CTNNA2: variants seen among roughly 807,000 people sequenced by gnomAD.
The protein encoded by CTNNA2 is catenin alpha 2.
Under a neutral mutation model 101.0 loss-of-function variants are expected in CTNNA2, and 42 were observed. The observed-to-expected ratio is 0.42, with a 90% CI of 0.32 to 0.54. The LOEUF (loss-of-function observed/expected upper bound fraction) is 0.54, where lower values mean the gene tolerates loss of function less well. Ranked by LOEUF, CTNNA2 falls within the 20% of genes least tolerant of loss-of-function variation. The pLI is 0.14. For missense variants in CTNNA2, 871 were observed against 1,223.1 expected (o/e 0.71, Z 4.29); for synonymous variants, 450 against 456.4 (o/e 0.99, Z 0.18).
Position 80,544,987 on chromosome 2 carries a change from C to T in CTNNA2, c.1296C>T (p.Ala432=), listed in dbSNP as rs1244767102. 2.5e-6 allele frequency: 4 copies of T among 1,613,686 alleles called. No homozygotes were observed. Among genetic ancestry groups the T allele is most frequent in the East Asian group, 2.2e-5 (1 of 44,848 alleles). ...REHANKLVEV[A]NLACSISNNE... The stretch of plus-strand genomic sequence containing the variant: ...TAAAATCCTCTTCAATACAGGTTGC[C>T]AATTTGGCCTGTTCCATCTCCAACA... The change falls in exon 10 of 19, where the codon GCC becomes GCT. Residue 432 remains alanine (A), a synonymous_variant. Transcript: ENST00000402739.
chr2:79,505,136 G>C (rs1212887604), exon 5 of CTNNA2: 2 of 152,496 alleles, frequency 1.3e-5, no homozygotes, highest in Non-Finnish European at 2.9e-5. Flanking sequence ...CTCTGACTCA[G>C]ATGGGCCCTC....
intron 4 of CTNNA2, among the ~76,000 whole-genome samples, chr2:79,500,069 T>C (rs1573194910): frequency 6.6e-6 from 1 of 152,218 alleles, no homozygotes; most frequent in South Asian, 2.1e-4. Context: ...TCAAAGGTCA[T>C]GGATTTAAAT....
At chr2:80,495,939 C>CAAAA (rs60582703) in intron 9 of CTNNA2, among the ~76,000 whole-genome samples, 4 of 35,770 alleles carry the variant, frequency 1.1e-4, no homozygotes, top group African/African-American at 1.9e-4. Context: ...GACTCTGTCT[C>CAAAA]AAAAAAAAAA....
chr2:79,480,237 T>C (rs1255664544), intron 4 of CTNNA2, among the ~76,000 whole-genome samples: 2 of 152,046 alleles, frequency 1.3e-5, no homozygotes, highest in Non-Finnish European at 2.9e-5. Context: ...GGCATTAATC[T>C]ACTCATGAGA....
At chr2:79,429,436 A>G (rs955320578) in intron 4 of CTNNA2, among the ~76,000 whole-genome samples, 1 of 152,296 alleles carries the variant, frequency 6.6e-6, no homozygotes, top group East Asian at 1.9e-4. Flanking sequence ...CAGTGCTGAT[A>G]TGTAGTTTGA....
At chr2:79,677,284 G>A (rs1043116285) in intron 2 of CTNNA2, among the ~76,000 whole-genome samples, 15 of 152,092 alleles carry the variant, frequency 9.9e-5, no homozygotes, top group Admixed American at 2.0e-4. Context: ...TTCAGGCTAC[G>A]GAGTCCTGTG....
chr2:79,226,407 GC>G (rs1674409589), intron 2 of CTNNA2, among the ~76,000 whole-genome samples: 1 of 152,032 alleles, frequency 6.6e-6, no homozygotes, highest in African/African-American at 2.4e-5. Context: ...AAAGTGCTTA[GC>G]ACAGTCCCTG....
intron 9 of CTNNA2, among the ~76,000 whole-genome samples, chr2:80,424,127 T>A (rs1680776402): frequency 6.6e-6 from 1 of 152,132 alleles, no homozygotes; most frequent in South Asian, 2.1e-4. Flanking sequence ...AGCTAATTTT[T>A]GTATTTTTAG....
At chr2:79,689,044 G>A (rs1306970986) in intron 2 of CTNNA2, among the ~76,000 whole-genome samples, 1 of 151,576 alleles carries the variant, frequency 6.6e-6, no homozygotes. Context: ...CTGGCTGTCA[G>A]CTGGGATCCG....
chr2:79,743,153 A>G (rs1671409923), intron 2 of CTNNA2, among the ~76,000 whole-genome samples: 2 of 150,880 alleles, frequency 1.3e-5, no homozygotes, highest in Admixed American at 1.3e-4. Flanking sequence ...AAACCACAGA[A>G]CCTACATTCT....
chr2:80,388,610 A>C (rs1042466065), intron 7 of CTNNA2, among the ~76,000 whole-genome samples: 1 of 152,230 alleles, frequency 6.6e-6, no homozygotes, highest in African/African-American at 2.4e-5. Context: ...AGATGTGGCC[A>C]GGTCACTTAG....
intron 9 of CTNNA2, among the ~76,000 whole-genome samples, chr2:80,430,787 C>G (rs377498063): frequency 6.6e-6 from 1 of 152,166 alleles, no homozygotes; most frequent in Middle Eastern, 3.4e-3. Context: ...TTTTGTTATA[C>G]TAATTAGTTT....
intron 9 of CTNNA2, among the ~76,000 whole-genome samples, chr2:80,529,536 C>T (rs1315809458): frequency 6.6e-6 from 1 of 152,106 alleles, no homozygotes; most frequent in African/African-American, 2.4e-5. Flanking sequence ...TTTTATAGCC[C>T]TCTTTTGTTC....
intron 7 of CTNNA2, among the ~76,000 whole-genome samples, chr2:80,315,072 G>A (rs991643064): frequency 2.6e-5 from 4 of 152,158 alleles, no homozygotes; most frequent in African/African-American, 9.7e-5. Context: ...TAGTTAAAAT[G>A]CTATTGCAAT....
intron 4 of CTNNA2, among the ~76,000 whole-genome samples, chr2:79,482,430 A>G (rs1468210141): frequency 6.6e-6 from 1 of 152,198 alleles, no homozygotes; most frequent in Admixed American, 6.5e-5. Flanking sequence ...GGATTTGGAA[A>G]CGTGGGCTAG....
chr2:79,907,445 G>A (rs1685502167), intron 6 of CTNNA2, among the ~76,000 whole-genome samples: 1 of 152,072 alleles, frequency 6.6e-6, no homozygotes, highest in African/African-American at 2.4e-5. Flanking sequence ...GGTTCCAATG[G>A]ATGCCCCTGG....
chr2:80,427,806 C>G (rs1681128025), intron 9 of CTNNA2, among the ~76,000 whole-genome samples: 1 of 152,214 alleles, frequency 6.6e-6, no homozygotes, highest in African/African-American at 2.4e-5. Flanking sequence ...ATGCTGCATT[C>G]AGCAATATTT....
chr2:79,404,812 G>GA (rs1377697834), intron 4 of CTNNA2, among the ~76,000 whole-genome samples: 1 of 152,004 alleles, frequency 6.6e-6, no homozygotes, highest in Non-Finnish European at 1.5e-5. Flanking sequence ...GTGGCAGATA[G>GA]AATTCTAATA....
chr2:80,603,998 G>A, intron 15 of CTNNA2, 76 bp from the exon 16 acceptor site: 1 of 1,277,534 alleles, frequency 7.8e-7, no homozygotes, highest in South Asian at 1.2e-5. Context: ...CTAGACTCCT[G>A]GACAAAGGAT....
Sources: gnomAD v4.1 joint callset for allele counts (sites outside exome capture counted in the v4.1 genomes callset) on GRCh38, gnomAD v4.1.1 for gene constraint, MANE v1.5 for transcripts, NCBI Gene and HGNC (gene_info 2026-07-23, HGNC 2026-07-21) for gene names.